The following POLA1 variants were observed in gnomAD, a reference collection of about 807,000 sequenced individuals.
The protein encoded by POLA1 is DNA polymerase alpha catalytic subunit.
A neutral mutation model predicts 124.0 loss-of-function variants in POLA1; 15 were observed. The observed-to-expected ratio is 0.12, with a 90% CI of 0.08 to 0.19. POLA1 has a LOEUF of 0.19. Ranked by LOEUF, POLA1 falls within the 10% of genes least tolerant of loss-of-function variation. The pLI, the probability that POLA1 is intolerant of heterozygous loss-of-function variation, is 1.00. For synonymous variants in POLA1, 408 were observed against 389.4 expected (o/e 1.05, Z -0.56); for missense variants, 886 against 1,103.4 (o/e 0.80, Z 2.79).
At chrX:24,911,744 C>A (rs112530985) in intron 35 of POLA1, among the ~76,000 whole-genome samples, 1,222 of 111,320 alleles carry the variant, frequency 0.011, 18 homozygotes, top group African/African-American at 0.038. Context: ...TACAAATCAG[C>A]AATATCCAGA....
At chrX:24,810,035 G>A (rs1470506096) in intron 27 of POLA1, 105 bp downstream of exon 27, 1 of 493,739 alleles carries the variant, frequency 2.0e-6, no homozygotes, top group African/African-American at 2.4e-5. Context: ...TTGCTTCTTA[G>A]GTTGCCTAGT....
intron 35 of POLA1, among the ~76,000 whole-genome samples, chrX:24,908,087 A>T (rs995615633): frequency 1.8e-5 from 2 of 111,247 alleles, no homozygotes; most frequent in Non-Finnish European, 3.8e-5. Context: ...ATGTTCAAAT[A>T]ACCAAGAAGA....
chrX:24,844,069 G>A (rs1264594704), intron 34 of POLA1, among the ~76,000 whole-genome samples: 1 of 111,135 alleles, frequency 9.0e-6, no homozygotes, highest in African/African-American at 3.3e-5. Context: ...CCATAAGATC[G>A]TGTGTAGTGA....
Position 24,995,945 on chromosome X carries a change from T to C in POLA1, c.4402T>C (p.Ser1468Pro). ...ACTCTTCGCTGGTTGTGCCGTGAAA[T>C]CCTAAGGGAATCCCAGGAGTAACCA... The part of the protein sequence containing the change: ...SKLFAGCAVK[S>P] The change falls in exon 37 of 37, where the codon TCC becomes CCC. Residue 1468 changes from serine to proline, a missense_variant. This residue lies in a region of POLA1 where 313 missense variants were observed against 359.7 expected (regional missense o/e 0.87). Transcript: ENST00000379068. 1 of 1,208,198 alleles carries C rather than the reference T, an allele frequency of 8.3e-7. No individual in the cohort carries two copies. The highest frequency in any genetic ancestry group is 1.1e-6 in the Non-Finnish European group (1 of 894,133).
chrX:24,753,139 G>A (rs1027169319), intron 26 of POLA1, among the ~76,000 whole-genome samples: 11 of 106,566 alleles, frequency 1.0e-4, no homozygotes, highest in Non-Finnish European at 1.9e-4. Flanking sequence ...TCAGCCTCCC[G>A]AGTAGCTGGG....
At chrX:24,967,733 G>A (rs2048241398) in intron 36 of POLA1, among the ~76,000 whole-genome samples, 1 of 91,902 alleles carries the variant, frequency 1.1e-5, no homozygotes, top group Non-Finnish European at 2.2e-5. Context: ...AGACCTCACA[G>A]ATAGAAAAAC....
chrX:24,823,764 T>C (rs2046128759), intron 31 of POLA1, among the ~76,000 whole-genome samples: 2 of 112,429 alleles, frequency 1.8e-5, no homozygotes, highest in African/African-American at 6.5e-5. Flanking sequence ...CCTCCAAGAA[T>C]AGCCTATATC....
At chrX:24,852,703 G>A (rs1433994242) in intron 34 of POLA1, among the ~76,000 whole-genome samples, 1 of 111,822 alleles carries the variant, frequency 8.9e-6, no homozygotes, top group South Asian at 3.8e-4. Flanking sequence ...TTTTGTTTTC[G>A]TTTTTACTGT....
intron 26 of POLA1, among the ~76,000 whole-genome samples, chrX:24,798,857 AC>A (rs2045658183): frequency 9.0e-6 from 1 of 111,317 alleles, no homozygotes. Flanking sequence ...GGACAGTTGA[AC>A]ACGTTTACAT....
At chrX:24,754,251 CT>C (rs750683205) in intron 26 of POLA1, among the ~76,000 whole-genome samples, 130 of 99,205 alleles carry the variant, frequency 1.3e-3, no homozygotes, top group South Asian at 0.011. Context: ...TTCTTTCTTT[CT>C]TTTTTTTTTT....
intron 26 of POLA1, among the ~76,000 whole-genome samples, chrX:24,789,958 A>C (rs1191904682): frequency 8.9e-6 from 1 of 112,200 alleles, no homozygotes; most frequent in Non-Finnish European, 1.9e-5. Flanking sequence ...CTCTATCAGG[A>C]AAAAAAGCTC....
intron 34 of POLA1, among the ~76,000 whole-genome samples, chrX:24,862,706 A>G (rs746703495): frequency 8.0e-5 from 9 of 112,080 alleles, no homozygotes; most frequent in Non-Finnish European, 1.5e-4. Flanking sequence ...CATCAGTCAC[A>G]AGAGAGAGAC....
chrX:24,838,982 C>T (rs1457126551), intron 32 of POLA1, among the ~76,000 whole-genome samples: 1 of 111,791 alleles, frequency 8.9e-6, no homozygotes, highest in Non-Finnish European at 1.9e-5. Flanking sequence ...AAGTTTGGGG[C>T]TTATTTAACC....
chrX:24,941,113 T>C (rs766387577), intron 36 of POLA1, among the ~76,000 whole-genome samples: 1 of 112,417 alleles, frequency 8.9e-6, no homozygotes, highest in South Asian at 3.8e-4. Context: ...GTGATAACAT[T>C]TCTTCTCATG....
In POLA1 at chrX:24,878,096, A is replaced by G. The variant is rs770457105; in HGVS notation, c.4048-9910A>G. 4.5e-5 allele frequency among the ~76,000 whole-genome samples: 5 copies of G among 110,882 alleles called. No individual in the cohort carries two copies. In the East Asian group the frequency reaches 1.4e-3, roughly 31 times the overall value. On this transcript the variant is annotated intron_variant, in intron 34 of 36. Coordinates refer to ENST00000379068, the MANE Select transcript of POLA1 (RefSeq NM_001330360.2). ...CTTGTCTACCCTTAGTTCTGTTTACAGACTATTCAAACGGCCCTTCGAAAC... is the reference window on the plus strand; with the variant it reads ...CTTGTCTACCCTTAGTTCTGTTTACGGACTATTCAAACGGCCCTTCGAAAC...
intron 24 of POLA1, among the ~76,000 whole-genome samples, chrX:24,747,160 T>C (rs965636127): frequency 1.8e-5 from 2 of 108,209 alleles, no homozygotes; most frequent in African/African-American, 6.7e-5. Context: ...CCAAGCTCCT[T>C]TTTTTTTTTT....
chrX:24,945,551 T>C (rs926774251), intron 36 of POLA1, among the ~76,000 whole-genome samples: 1 of 112,255 alleles, frequency 8.9e-6, no homozygotes, highest in African/African-American at 3.2e-5. Flanking sequence ...AAGAAAACTT[T>C]AGTTCTCAGT....
intron 19 of POLA1, among the ~76,000 whole-genome samples, chrX:24,738,109 A>C (rs1931396008): frequency 9.9e-6 from 1 of 100,783 alleles, no homozygotes; most frequent in Non-Finnish European, 1.9e-5. Context: ...GCTACTGGGG[A>C]GGCTGAGGCA....
intron 10 of POLA1, among the ~76,000 whole-genome samples, chrX:24,718,445 C>G (rs1929991154): frequency 9.0e-6 from 1 of 111,385 alleles, no homozygotes; most frequent in African/African-American, 3.3e-5. Context: ...TAGCAAAGGC[C>G]TAGAGAGAGG....
Sources: allele counts gnomAD v4.1 joint callset (sites outside exome capture counted in the v4.1 genomes callset), GRCh38; gene constraint gnomAD v4.1.1; regional missense constraint gnomAD v4.1.1; transcripts MANE v1.5; gene names NCBI Gene and HGNC (gene_info 2026-07-23, HGNC 2026-07-21).